Variants in FGF13 observed in about 807,000 individuals in gnomAD.
FGF13 encodes fibroblast growth factor 13, also known as fibroblast growth factor homologous factor 2.
FGF13 carries 2 observed loss-of-function variants against 19.5 expected under a neutral mutation model. That is an observed-to-expected ratio of 0.10 (90% CI 0.04 to 0.32). The LOEUF (loss-of-function observed/expected upper bound fraction) is 0.32. Ranked by LOEUF, FGF13 falls within the 10% of genes least tolerant of loss-of-function variation. The pLI, the probability that FGF13 is intolerant of heterozygous loss-of-function variation, is 1.00. For synonymous variants in FGF13, 72 were observed against 76.9 expected (o/e 0.94, Z 0.33); for missense variants, 113 against 192.7 (o/e 0.59, Z 2.45).
intron 1 of FGF13, among the ~76,000 whole-genome samples, chrX:138,877,364 C>T (rs2091396638): frequency 8.9e-6 from 1 of 111,775 alleles, no homozygotes; most frequent in African/African-American, 3.3e-5. Context: ...CGTGAAAACA[C>T]TTTTGCTTCA....
At chrX:139,141,603 G>A (rs886139005) in intron 1 of FGF13, among the ~76,000 whole-genome samples, 3 of 111,455 alleles carry the variant, frequency 2.7e-5, no homozygotes, top group East Asian at 2.8e-4. Flanking sequence ...CCCTCTAACC[G>A]CAAAGCTCTC....
At chrX:139,001,719 G>A (rs1405933762) in intron 1 of FGF13, among the ~76,000 whole-genome samples, 1 of 111,698 alleles carries the variant, frequency 9.0e-6, no homozygotes, top group Non-Finnish European at 1.9e-5. Flanking sequence ...GGAGAAATAG[G>A]AATGCTTTTA....
At chrX:138,730,813 T>C (rs759884886) in intron 1 of FGF13, among the ~76,000 whole-genome samples, 2 of 111,168 alleles carry the variant, frequency 1.8e-5, no homozygotes, top group East Asian at 5.7e-4. Context: ...CAATTACATA[T>C]TGCTTACAAG....
intron 3 of FGF13, among the ~76,000 whole-genome samples, chrX:138,643,705 G>A (rs1338645306): frequency 8.9e-6 from 1 of 111,950 alleles, no homozygotes; most frequent in African/African-American, 3.2e-5. Context: ...ACAGAAATCT[G>A]TGGAATTTTT....
chrX:138,902,278 T>C (rs1162594105), intron 1 of FGF13, among the ~76,000 whole-genome samples: 1 of 112,431 alleles, frequency 8.9e-6, no homozygotes, highest in African/African-American at 3.2e-5. Context: ...GTTATTTTGA[T>C]GGTTATAGCA....
At chrX:138,864,078 G>A (rs891560267) in intron 2 of FGF13, among the ~76,000 whole-genome samples, 6 of 111,764 alleles carry the variant, frequency 5.4e-5, no homozygotes, top group African/African-American at 1.6e-4. Context: ...AAATGCCTCC[G>A]GACATTGTCA....
intron 1 of FGF13, among the ~76,000 whole-genome samples, chrX:138,929,825 C>T (rs1015299936): frequency 1.9e-5 from 2 of 107,238 alleles, no homozygotes; most frequent in Non-Finnish European, 3.8e-5. Context: ...ACAGCATTCA[C>T]CCTGGTCCAT....
At chrX:139,193,085 T>C (rs775871164) in intron 1 of FGF13, among the ~76,000 whole-genome samples, 1 of 110,106 alleles carries the variant, frequency 9.1e-6, no homozygotes, top group Non-Finnish European at 1.9e-5. Flanking sequence ...ATCACTTAAG[T>C]TGGGGTATGA....
At chrX:138,860,046 G>GA (rs1209597432) in intron 2 of FGF13, among the ~76,000 whole-genome samples, 19 of 107,939 alleles carry the variant, frequency 1.8e-4, no homozygotes, top group African/African-American at 4.7e-4. Flanking sequence ...AAGCAAAACA[G>GA]AAAAAAAAAG....
chrX:139,008,315 A>G (rs768556437), intron 1 of FGF13, among the ~76,000 whole-genome samples: 11 of 112,256 alleles, frequency 9.8e-5, no homozygotes, highest in African/African-American at 3.6e-4. Flanking sequence ...CCCTAGGGCA[A>G]GTTTGCATCC....
intron 1 of FGF13, among the ~76,000 whole-genome samples, chrX:139,184,887 T>C (rs756652277): frequency 6.2e-5 from 7 of 112,700 alleles, no homozygotes; most frequent in Admixed American, 5.6e-4. Flanking sequence ...TGCTGATTCA[T>C]TTCTGACTTA....
chrX:138,879,521 AT>A (rs1437195026), intron 1 of FGF13, among the ~76,000 whole-genome samples: 3 of 111,437 alleles, frequency 2.7e-5, no homozygotes, highest in South Asian at 3.7e-4. Flanking sequence ...ACGTTAGTTA[AT>A]TTTTTTATTA....
chrX:139,087,178 C>T (rs2083410029), intron 1 of FGF13, among the ~76,000 whole-genome samples: 1 of 111,079 alleles, frequency 9.0e-6, no homozygotes, highest in Non-Finnish European at 1.9e-5. Context: ...CACCTGTAAT[C>T]CCAGCTACTT....
chrX:139,091,333 AG>A (rs1300829229), intron 1 of FGF13, among the ~76,000 whole-genome samples: 1 of 110,959 alleles, frequency 9.0e-6, no homozygotes, highest in African/African-American at 3.3e-5. Flanking sequence ...AAGCTCTGCA[AG>A]CAGAGGGTGG....
At chrX:139,065,229 T>C (rs2092350991) in intron 1 of FGF13, among the ~76,000 whole-genome samples, 1 of 111,024 alleles carries the variant, frequency 9.0e-6, no homozygotes, top group South Asian at 3.8e-4. Context: ...ATTGACACTA[T>C]GAAGAAACTA....
intron 3 of FGF13, among the ~76,000 whole-genome samples, chrX:138,746,340 GA>G (rs1174742332): frequency 3.6e-5 from 4 of 110,646 alleles, no homozygotes; most frequent in Admixed American, 9.6e-5. Context: ...CAGTGATGAG[GA>G]TCTAAGTTAG....
At chrX:139,049,052 C>T (rs1466772760) in intron 1 of FGF13, among the ~76,000 whole-genome samples, 2 of 111,142 alleles carry the variant, frequency 1.8e-5, no homozygotes, top group Non-Finnish European at 3.8e-5. Context: ...ATGGTAAATG[C>T]ACTTCGACGT....
intron 1 of FGF13, among the ~76,000 whole-genome samples, chrX:138,958,280 T>C (rs1307632751): frequency 8.9e-6 from 1 of 112,078 alleles, no homozygotes; most frequent in Non-Finnish European, 1.9e-5. Context: ...TCGATTGAGA[T>C]AATCATGTGG....
chrX:139,068,510 C>T (rs1203784343), intron 1 of FGF13, among the ~76,000 whole-genome samples: 5 of 107,954 alleles, frequency 4.6e-5, no homozygotes, highest in Non-Finnish European at 9.6e-5. Flanking sequence ...TAGTTTTTTC[C>T]AATTCTGTGA....
Sources: gnomAD v4.1 joint callset for allele counts (sites outside exome capture counted in the v4.1 genomes callset) on GRCh38, gnomAD v4.1.1 for gene constraint, MANE v1.5 for transcripts, NCBI Gene and HGNC (gene_info 2026-07-23, HGNC 2026-07-21) for gene names.